The following DLEU7 variants were observed in gnomAD, a reference collection of about 807,000 sequenced individuals.
DLEU7 encodes the protein leukemia-associated protein 7.
A neutral mutation model predicts 16.0 loss-of-function variants in DLEU7; 17 were observed. The observed-to-expected ratio is 1.06, with a 90% confidence interval of 0.73 to 1.59. The LOEUF is 1.59. Ranked by LOEUF, DLEU7 falls within the 40% of genes most tolerant of loss-of-function variation. DLEU7 has a pLI of 0.00. For synonymous variants in DLEU7, 113 were observed against 139.8 expected (o/e 0.81, Z 1.35); for missense variants, 308 against 314.9 (o/e 0.98, Z 0.17).
At chr13:50,778,187 C>T (rs1374272896) in intron 1 of DLEU7, among the ~76,000 whole-genome samples, 1 of 152,120 alleles carries the variant, frequency 6.6e-6, no homozygotes, top group Non-Finnish European at 1.5e-5. Flanking sequence ...CAAGGTATGT[C>T]TTCTCGTGGT....
chr13:50,817,484 C>A (rs920681088), intron 1 of DLEU7, among the ~76,000 whole-genome samples: 27 of 152,204 alleles, frequency 1.8e-4, no homozygotes, highest in African/African-American at 6.5e-4. Flanking sequence ...ACACTGGGAT[C>A]CCTGATGAGG....
intron 1 of DLEU7, among the ~76,000 whole-genome samples, chr13:50,748,595 C>T (rs1593539947): frequency 1.3e-5 from 2 of 152,148 alleles, no homozygotes; most frequent in East Asian, 1.9e-4. Flanking sequence ...GGTCCTACCT[C>T]GGGTCCCTAG....
At chr13:50,788,286 G>A (rs939074915) in intron 1 of DLEU7, among the ~76,000 whole-genome samples, 1 of 152,116 alleles carries the variant, frequency 6.6e-6, no homozygotes, top group Non-Finnish European at 1.5e-5. Context: ...AGGGCTCATG[G>A]CTGGACCACA....
At chr13:50,808,522 G>A (rs1249298687) in intron 1 of DLEU7, 1 of 152,128 alleles carries the variant, frequency 6.6e-6, no homozygotes, top group African/African-American at 2.4e-5. Context: ...TATCTGTCCT[G>A]TACATGCTTG....
At chr13:50,748,112 G>GT (rs1213277422) in intron 1 of DLEU7, among the ~76,000 whole-genome samples, 4 of 151,490 alleles carry the variant, frequency 2.6e-5, no homozygotes, top group Non-Finnish European at 4.4e-5. Flanking sequence ...AAGAAGCAAA[G>GT]TTTTTTTGTG....
intron 1 of DLEU7, among the ~76,000 whole-genome samples, chr13:50,767,249 A>T (rs1875142710): frequency 6.6e-6 from 1 of 152,028 alleles, no homozygotes; most frequent in African/African-American, 2.4e-5. Context: ...AGGTCAGGAG[A>T]TCGAGACCAT....
intron 1 of DLEU7, among the ~76,000 whole-genome samples, chr13:50,717,485 A>G (rs889813958): frequency 1.3e-5 from 2 of 152,176 alleles, no homozygotes; most frequent in Admixed American, 1.3e-4. Flanking sequence ...CCAAAATGGT[A>G]AGTACATTTT....
intron 1 of DLEU7, among the ~76,000 whole-genome samples, chr13:50,798,646 C>T (rs1348918557): frequency 2.0e-5 from 3 of 152,182 alleles, no homozygotes; most frequent in African/African-American, 4.8e-5. Context: ...TTTGGCTGCT[C>T]CCAACATGCA....
At chr13:50,835,237 C>A (rs929300039) in intron 1 of DLEU7, among the ~76,000 whole-genome samples, 1 of 152,176 alleles carries the variant, frequency 6.6e-6, no homozygotes, top group Admixed American at 6.5e-5. Flanking sequence ...CGGCCCAGAT[C>A]CCAAATGATG....
At chr13:50,815,232 G>T (rs930373653) in intron 1 of DLEU7, among the ~76,000 whole-genome samples, 1 of 152,032 alleles carries the variant, frequency 6.6e-6, no homozygotes, top group Non-Finnish European at 1.5e-5. Context: ...ATGCATAGAA[G>T]TCCATTTGGG....
chr13:50,772,093 T>C (rs1384814686), intron 1 of DLEU7, among the ~76,000 whole-genome samples: 2 of 152,166 alleles, frequency 1.3e-5, no homozygotes, highest in African/African-American at 2.4e-5. Context: ...CAACCCCTGC[T>C]TTTTTGTTGT....
chr13:50,764,951 C>T (rs796633769), intron 1 of DLEU7, among the ~76,000 whole-genome samples: 49 of 152,206 alleles, frequency 3.2e-4, no homozygotes, highest in African/African-American at 1.1e-3. Context: ...GGGGCAATCT[C>T]GGCTCACTGC....
intron 1 of DLEU7, among the ~76,000 whole-genome samples, chr13:50,840,448 C>A (rs539465250): frequency 6.6e-6 from 1 of 152,198 alleles, no homozygotes; most frequent in Non-Finnish European, 1.5e-5. Flanking sequence ...CCCAAGGGAA[C>A]AAATCATGCA....
In DLEU7 at chr13:50,725,358, C is replaced by T. The variant is rs116843565; in HGVS notation, c.460-12118G>A. ...TCCTTAGTGATGTGCACTTGTGCAC[C>T]ACTTTGCCAGATTGTAGGAGGATGA... On this transcript the variant is annotated intron_variant, in intron 1 of 1. Transcript: ENST00000400393. Among the ~76,000 whole-genome samples the T allele has an allele frequency of 1.1e-3, 168 of 152,258 alleles. 1 individual carries two copies. Among genetic ancestry groups the T allele is most frequent in the Non-Finnish European group, 2.0e-3 (137 of 68,008 alleles).
At chr13:50,836,955 C>T (rs899984527) in intron 1 of DLEU7, among the ~76,000 whole-genome samples, 2 of 152,190 alleles carry the variant, frequency 1.3e-5, no homozygotes, top group African/African-American at 4.8e-5. Flanking sequence ...TTTGCCCCAA[C>T]TTCATTTGGT....
intron 1 of DLEU7, among the ~76,000 whole-genome samples, chr13:50,831,863 G>C (rs1268510438): frequency 6.6e-6 from 1 of 152,156 alleles, no homozygotes; most frequent in Non-Finnish European, 1.5e-5. Flanking sequence ...TAAACTTTTT[G>C]ATGTGCTACT....
rs538669153 is a variant in DLEU7, at chr13:50,775,640, C to T, written c.460-62400G>A. 2.0e-5 allele frequency among the ~76,000 whole-genome samples: 3 copies of T among 152,320 alleles called. No individual in the cohort carries two copies. In the South Asian group the frequency reaches 6.2e-4, roughly 32 times the overall value. On this transcript the variant is annotated intron_variant, in intron 1 of 1. Coordinates refer to the DLEU7 transcript ENST00000400393. ...CTCAGTCTCATAAGACTACCACTTT[C>T]TGCTTCAGCTCTGTGGGCTACACGT...
intron 1 of DLEU7, among the ~76,000 whole-genome samples, chr13:50,776,055 T>C (rs1344169504): frequency 6.6e-6 from 1 of 152,240 alleles, no homozygotes. Context: ...TGTTTGTTTC[T>C]TACATTTTAA....
intron 1 of DLEU7, among the ~76,000 whole-genome samples, chr13:50,725,681 G>A (rs1352540689): frequency 6.6e-6 from 1 of 152,168 alleles, no homozygotes; most frequent in East Asian, 1.9e-4. Flanking sequence ...AGGAGCGGGG[G>A]CATGGGAGGG....
Sources: gnomAD v4.1 joint callset for allele counts (sites outside exome capture counted in the v4.1 genomes callset) on GRCh38, gnomAD v4.1.1 for gene constraint, MANE v1.5 for transcripts, NCBI Gene and HGNC (gene_info 2026-07-23, HGNC 2026-07-21) for gene names.